The following FOXP1 variants were observed in gnomAD, a reference collection of about 807,000 sequenced individuals.
The protein encoded by FOXP1 is forkhead box protein P1.
Under a neutral mutation model 98.2 loss-of-function variants are expected in FOXP1, and 15 were observed. The ratio of observed to expected loss-of-function variants is 0.15; its 90% CI spans 0.10 to 0.24. The LOEUF is 0.24. Among genes scored for constraint, FOXP1 ranks in the 10% least tolerant of loss-of-function variants. The probability of loss-of-function intolerance (pLI) is 1.00; values close to 1 mark genes in which losing one functional copy is unlikely to be tolerated. For synonymous variants in FOXP1, 371 were observed against 314.5 expected (o/e 1.18, Z -1.90); for missense variants, 633 against 848.5 (o/e 0.75, Z 3.15).
rs1169766294 is a variant in FOXP1, at chr3:71,198,301, T to C, written c.81A>G (p.Leu27=). ...GCCCCTCCCGAAGACCGCCGCACTC[T>C]AGTAAGTGGTTGCTGCCGCCCGACC... ...QNGSGGSNHL[L]ECGGLREGRS... The change falls in exon 6 of 21, where the codon CTA becomes CTG. Residue 27 remains leucine, a synonymous_variant. Coordinates refer to ENST00000649528, the MANE Select transcript of FOXP1 (RefSeq NM_001349338.3). The C allele has an allele frequency of 1.2e-6, 2 of 1,614,072 alleles. No individual in the cohort carries two copies. Among genetic ancestry groups the C allele is most frequent in the African/African-American group, 1.3e-5 (1 of 75,012 alleles).
At chr3:71,563,759 C>A (rs1021076082) in intron 2 of FOXP1, among the ~76,000 whole-genome samples, 2 of 152,176 alleles carry the variant, frequency 1.3e-5, no homozygotes, top group African/African-American at 2.4e-5. Flanking sequence ...CAAGGTGGAA[C>A]GTCAAAGACA....
chr3:71,395,282 G>A (rs1019619224), intron 3 of FOXP1, among the ~76,000 whole-genome samples: 2 of 150,302 alleles, frequency 1.3e-5, no homozygotes, highest in Non-Finnish European at 3.0e-5. Context: ...GGCGTCTTGC[G>A]ACCCTGGTTT....
chr3:71,265,794 C>A (rs1307528474), intron 5 of FOXP1, among the ~76,000 whole-genome samples: 1 of 152,166 alleles, frequency 6.6e-6, no homozygotes, highest in Non-Finnish European at 1.5e-5. Context: ...AACTGAGAAC[C>A]AAGTGACAAT....
chr3:71,312,428 T>C, intron 4 of FOXP1, among the ~76,000 whole-genome samples: 1 of 152,166 alleles, frequency 6.6e-6, no homozygotes, highest in Non-Finnish European at 1.5e-5. Flanking sequence ...GGCTTCAAGC[T>C]CCCCTTGGAA....
intron 4 of FOXP1, chr3:71,333,976 T>A (rs1451804059): frequency 6.7e-6 from 1 of 149,880 alleles, no homozygotes; most frequent in Non-Finnish European, 1.5e-5. Context: ...AGCAAATAGA[T>A]ACAACAAATA....
Position 71,121,369 on chromosome 3 carries a change from GA to G in FOXP1, c.181-8733del, listed in dbSNP as rs1192345182. Among the ~76,000 whole-genome samples the G allele has an allele frequency of 8.7e-5, 11 of 126,400 alleles. No homozygotes were observed. The East Asian group carries it at 1.2e-3, about 14-fold the overall frequency. 82.9% of individuals were successfully genotyped at this position (126,400 alleles called of 152,430 possible). On this transcript the variant is annotated intron_variant, in intron 6 of 20. Coordinates refer to ENST00000649528, the MANE Select transcript of FOXP1 (RefSeq NM_001349338.3). ...AAAGGATAGGATTTTCATGACACCA[GA>G]AAAAAAAAAGGGGGGGGGGATATCT...
intron 14 of FOXP1, among the ~76,000 whole-genome samples, chr3:70,980,277 C>T (rs1351373851): frequency 3.3e-5 from 5 of 152,108 alleles, no homozygotes; most frequent in East Asian, 1.9e-4. Flanking sequence ...TCAGCCCAAG[C>T]AAAGGGTCAA....
At chr3:71,461,030 A>G (rs561229261) in intron 3 of FOXP1, among the ~76,000 whole-genome samples, 70 of 152,342 alleles carry the variant, frequency 4.6e-4, no homozygotes, top group African/African-American at 1.6e-3. Context: ...GGAATTTGTG[A>G]CTGAAACCTA....
chr3:71,221,478 C>T (rs572600106), intron 5 of FOXP1, among the ~76,000 whole-genome samples: 1 of 152,288 alleles, frequency 6.6e-6, no homozygotes, highest in Middle Eastern at 3.4e-3. Flanking sequence ...GGAGATCCCC[C>T]ATCCAACATC....
At chr3:71,432,234 C>T (rs535095132) in intron 3 of FOXP1, among the ~76,000 whole-genome samples, 1 of 152,312 alleles carries the variant, frequency 6.6e-6, no homozygotes, top group East Asian at 1.9e-4. Flanking sequence ...CTTCTCACGG[C>T]TGACCTTGTC....
chr3:71,346,178 G>A (rs78500097), intron 4 of FOXP1, among the ~76,000 whole-genome samples: 26,012 of 152,146 alleles, frequency 0.17, 2,614 homozygotes, highest in Non-Finnish European at 0.23. Context: ...TTCAATGAGG[G>A]AAGGCGAATG....
chr3:71,518,871 C>CA (rs764633863), intron 2 of FOXP1, among the ~76,000 whole-genome samples: 3 of 152,208 alleles, frequency 2.0e-5, no homozygotes, highest in African/African-American at 4.8e-5. Context: ...AGACACTATG[C>CA]AAAGCATCAG....
chr3:71,570,742 T>C (rs748530644), intron 2 of FOXP1: 2 of 152,180 alleles, frequency 1.3e-5, no homozygotes, highest in East Asian at 1.9e-4. Flanking sequence ...CACATAAAAA[T>C]GAGCCTGGCC....
intron 3 of FOXP1, among the ~76,000 whole-genome samples, chr3:71,491,590 C>T (rs2091063877): frequency 1.3e-5 from 2 of 152,156 alleles, no homozygotes; most frequent in South Asian, 2.1e-4. Flanking sequence ...AGAAGTAATA[C>T]TGTAGGGAAG....
rs544766693 is a variant in FOXP1, at chr3:70,958,311, C to CT, written c.*935dup. The CT allele has an allele frequency of 9.6e-3, 4,254 of 443,342 alleles. No individual in the cohort carries two copies. Among genetic ancestry groups the CT allele is most frequent in the East Asian group, 0.011 (233 of 20,632 alleles). 27.5% of individuals were successfully genotyped at this position (443,342 alleles called of 1,614,324 possible). On this transcript the variant is annotated 3_prime_UTR_variant, in exon 21 of 21. Transcript: ENST00000649528. ...GGCATTGTTCCTAGAGTTTGTCTCT[C>CT]TTTTTTTTTTCTGTCATTCATTCTC...
At chr3:71,030,067 G>A (rs2046661975) in intron 11 of FOXP1, among the ~76,000 whole-genome samples, 1 of 152,168 alleles carries the variant, frequency 6.6e-6, no homozygotes, top group Non-Finnish European at 1.5e-5. Context: ...GGGAAACTGA[G>A]GCACACCAAG....
At chr3:70,997,547 A>G (rs1373455684) in intron 13 of FOXP1, among the ~76,000 whole-genome samples, 1 of 152,184 alleles carries the variant, frequency 6.6e-6, no homozygotes, top group Non-Finnish European at 1.5e-5. Context: ...AAAATTGCTA[A>G]CATTTTCTTA....
chr3:71,366,630 G>A (rs1241478185), intron 3 of FOXP1, among the ~76,000 whole-genome samples: 1 of 152,034 alleles, frequency 6.6e-6, no homozygotes, highest in Non-Finnish European at 1.5e-5. Context: ...TGAAACAATG[G>A]TTTTGACTTT....
At chr3:71,263,243 G>C (rs1576648042) in intron 5 of FOXP1, among the ~76,000 whole-genome samples, 1 of 152,282 alleles carries the variant, frequency 6.6e-6, no homozygotes, top group East Asian at 1.9e-4. Context: ...TTCCCGTCCT[G>C]TGGAATACCT....
Sources: allele counts gnomAD v4.1 joint callset (sites outside exome capture counted in the v4.1 genomes callset), GRCh38; gene constraint gnomAD v4.1.1; transcripts MANE v1.5; gene names NCBI Gene and HGNC (gene_info 2026-07-23, HGNC 2026-07-21).